The following SYTL2 variants were observed in gnomAD, a reference collection of about 807,000 sequenced individuals.
The protein encoded by SYTL2 is synaptotagmin-like protein 2.
In SYTL2, 165 loss-of-function variants were observed where a neutral mutation model predicts 198.7. That is an observed-to-expected ratio of 0.83 (90% CI 0.73 to 0.94). The LOEUF (loss-of-function observed/expected upper bound fraction) is 0.94. Among genes scored for constraint, SYTL2 ranks in the 40% least tolerant of loss-of-function variants. SYTL2 has a pLI of 0.00. For missense variants in SYTL2, 2,835 were observed against 2,582.8 expected (o/e 1.10, Z -2.12); for synonymous variants, 966 against 917.7 (o/e 1.05, Z -0.95).
rs773185264 is a variant in SYTL2 at position 85,734,667 on chromosome 11, G to A, written c.662C>T (p.Thr221Ile). The A allele has an allele frequency of 1.6e-5, 26 of 1,614,076 alleles. No homozygotes were observed. Among genetic ancestry groups the A allele is most frequent in the African/African-American group, 8.0e-5 (6 of 74,946 alleles). The part of the protein sequence containing the change: ...SIQKLEKSKQ[T>I]LPGLSNGSQI... ...GGACCCATTTGAAAGGCCTGGCAAAGTCTGCTTTGATTTCTCTAACTTTTG... is the reference window on the plus strand; with the variant it reads ...GGACCCATTTGAAAGGCCTGGCAAAATCTGCTTTGATTTCTCTAACTTTTG... Residue 221 changes from threonine (T) to isoleucine (I), a missense_variant, in exon 7 of 20, where the codon ACT becomes ATT. By Grantham distance (89) the Thr-to-Ile change is moderately conservative. This residue lies in a region of SYTL2 where 2,645 missense variants were observed against 2,381.7 expected (regional missense o/e 1.11). Coordinates refer to ENST00000359152, the MANE Select transcript of SYTL2 (RefSeq NM_206927.4).
At chr11:85,813,627 C>T (rs965667512), upstream of SYTL2, among the ~76,000 whole-genome samples, 1 of 152,088 alleles carries the variant, frequency 6.6e-6, no homozygotes, top group African/African-American at 2.4e-5. Context: ...CCACAGAACT[C>T]GCTGGTTGAC....
intron 18 of SYTL2, among the ~76,000 whole-genome samples, chr11:85,696,825 C>T (rs538313652): frequency 6.5e-4 from 99 of 152,304 alleles, no homozygotes; most frequent in African/African-American, 2.3e-3. Context: ...CAAGCACAGG[C>T]TATCCTGATT....
At chr11:85,708,227 C>T in intron 14 of SYTL2, 1 of 350,878 alleles carries the variant, frequency 2.8e-6, no homozygotes, top group Non-Finnish European at 5.5e-6. Context: ...TAGTTTGTTC[C>T]CCTCTGAGAA....
chr11:85,775,126 C>T (rs1468757335), intron 1 of SYTL2, among the ~76,000 whole-genome samples: 3 of 152,122 alleles, frequency 2.0e-5, no homozygotes, highest in Non-Finnish European at 4.4e-5. Context: ...AGTGCAAAGC[C>T]TTTTTAGAAA....
At chr11:85,730,764 A>T (rs566015642) in intron 7 of SYTL2, among the ~76,000 whole-genome samples, 9 of 152,282 alleles carry the variant, frequency 5.9e-5, no homozygotes, top group African/African-American at 2.2e-4. Context: ...CAAGAGAAAA[A>T]AAAAAATGGT....
At chr11:85,749,875 G>A (rs1250958059) in intron 2 of SYTL2, among the ~76,000 whole-genome samples, 1 of 152,162 alleles carries the variant, frequency 6.6e-6, no homozygotes, top group Non-Finnish European at 1.5e-5. Context: ...TGGGGGCAGG[G>A]TCTGTACTCA....
intron 1 of SYTL2, among the ~76,000 whole-genome samples, chr11:85,782,603 G>GT (rs1184686699): frequency 6.6e-6 from 1 of 152,104 alleles, no homozygotes; most frequent in Non-Finnish European, 1.5e-5. Context: ...TTTTTTAAAC[G>GT]TAAGTTCCAA....
the SYTL2 span, among the ~76,000 whole-genome samples, chr11:85,818,881 C>A: frequency 5.3e-5 from 8 of 152,040 alleles, no homozygotes; most frequent in Non-Finnish European, 1.0e-4. Context: ...TTAAAAGATA[C>A]TGAATTTGAA....
rs867982801 is a variant in SYTL2 at position 85,724,100 on chromosome 11, C to T, written c.5258G>A (p.Gly1753Asp). The change falls in exon 8 of 20, where the codon GGT (glycine) becomes GAT (aspartate). Residue 1753 changes from glycine to aspartate, a missense_variant. Gly to Asp is a moderately conservative substitution (Grantham distance 94). Coordinates refer to ENST00000359152, the MANE Select transcript of SYTL2 (RefSeq NM_206927.4). ...MKQEKEEEKE[G>D]FSESDFSDGN... ...ATCTGAAAAATCAGACTCAGAGAAA[C>T]CTTCTTTTTCTTCCTCTTTCTCTTG... 6.3e-7 allele frequency: 1 copy of T among 1,579,536 alleles called. No individual in the cohort carries two copies. The highest frequency in any genetic ancestry group is 2.3e-5 in the East Asian group (1 of 44,064).
At chr11:85,849,451 T>G in the SYTL2 span, among the ~76,000 whole-genome samples, 1 of 152,250 alleles carries the variant, frequency 6.6e-6, no homozygotes, top group Non-Finnish European at 1.5e-5. Flanking sequence ...TTAATCCATC[T>G]TGAATTGATT....
At position 85,793,066 on chromosome 11, in the gene SYTL2, G is replaced by A. The variant is rs61907271; in HGVS notation, c.-390+17888C>T. Among the ~76,000 whole-genome samples the A allele has an allele frequency of 5.7e-4, 87 of 151,886 alleles. 1 individual carries two copies. Among genetic ancestry groups the A allele is most frequent in the Non-Finnish European group, 1.1e-3 (72 of 68,020 alleles). On this transcript the variant is annotated intron_variant, in intron 1 of 19. Coordinates refer to ENST00000359152, the MANE Select transcript of SYTL2 (RefSeq NM_206927.4). Reference sequence around the variant, plus strand: ...GGGTTGGTTCCAAGTCTTTGCTATCGTGAATAGTGCCGCAATAAACATACG... The same window carrying A: ...GGGTTGGTTCCAAGTCTTTGCTATCATGAATAGTGCCGCAATAAACATACG...
At chr11:85,774,722 C>T (rs764152939) in intron 1 of SYTL2, among the ~76,000 whole-genome samples, 1 of 152,190 alleles carries the variant, frequency 6.6e-6, no homozygotes, top group Non-Finnish European at 1.5e-5. Context: ...TTCTCCTATA[C>T]CCTCATGAAC....
At chr11:85,776,173 T>C (rs1051150374) in intron 1 of SYTL2, among the ~76,000 whole-genome samples, 19 of 152,202 alleles carry the variant, frequency 1.2e-4, no homozygotes, top group Admixed American at 8.5e-4. Flanking sequence ...TCTGCCTTCC[T>C]CTAGGAGTGG....
At chr11:85,739,689 A>T (rs972377596) in intron 4 of SYTL2, among the ~76,000 whole-genome samples, 4 of 152,052 alleles carry the variant, frequency 2.6e-5, no homozygotes, top group Non-Finnish European at 4.4e-5. Flanking sequence ...GTTATCTATC[A>T]TTTTATCTAT....
intron 4 of SYTL2, among the ~76,000 whole-genome samples, chr11:85,742,737 T>C (rs2090893106): frequency 6.6e-6 from 1 of 152,198 alleles, no homozygotes; most frequent in Non-Finnish European, 1.5e-5. Flanking sequence ...AATAAAAACT[T>C]TAAAATGAAA....
chr11:85,852,379 C>T, the SYTL2 span, among the ~76,000 whole-genome samples: 6 of 151,906 alleles, frequency 3.9e-5, no homozygotes, highest in South Asian at 2.1e-4. Context: ...CCTCTCCCCA[C>T]GGTCTCCCTC....
At chr11:85,776,805 G>T (rs2092459365) in intron 1 of SYTL2, among the ~76,000 whole-genome samples, 1 of 152,206 alleles carries the variant, frequency 6.6e-6, no homozygotes, top group Non-Finnish European at 1.5e-5. Context: ...TCTAGTTCTA[G>T]ATCCTTGAGG....
chr11:85,755,135 C>T (rs1191521383), intron 2 of SYTL2, among the ~76,000 whole-genome samples: 1 of 152,178 alleles, frequency 6.6e-6, no homozygotes, highest in East Asian at 1.9e-4. Flanking sequence ...GTAACATTTT[C>T]AGAGATCCAG....
At chr11:85,826,923 G>A in the SYTL2 span, among the ~76,000 whole-genome samples, 4 of 152,334 alleles carry the variant, frequency 2.6e-5, no homozygotes, top group East Asian at 7.7e-4. Context: ...GTGAAAAACA[G>A]GCTAGCAAGT....
Sources: allele counts gnomAD v4.1 joint callset (sites outside exome capture counted in the v4.1 genomes callset), GRCh38; gene constraint gnomAD v4.1.1; regional missense constraint gnomAD v4.1.1; transcripts MANE v1.5; gene names NCBI Gene and HGNC (gene_info 2026-07-23, HGNC 2026-07-21).